C6orf89: variants seen among roughly 807,000 people sequenced by gnomAD.
C6orf89 encodes the protein bombesin receptor-activated protein C6orf89.
C6orf89 carries 29 observed loss-of-function variants against 40.7 expected under a neutral mutation model. The observed-to-expected ratio is 0.71, with a 90% CI of 0.53 to 0.97. The LOEUF is 0.97. Among genes scored for constraint, C6orf89 ranks in the 50% least tolerant of loss-of-function variants. The probability of loss-of-function intolerance (pLI) is 0.00; values close to 1 mark genes in which losing one functional copy is unlikely to be tolerated. For synonymous variants in C6orf89, 165 were observed against 152.2 expected, an observed-to-expected ratio of 1.08 and a Z score of -0.62; for missense variants, 392 against 429.1, an observed-to-expected ratio of 0.91 and a Z score of 0.76.
At chr6:36,875,088 G>A (rs1477968257) in intron 1 of C6orf89, 3 of 370,284 alleles carry the variant, frequency 8.1e-6, no homozygotes, top group Non-Finnish European at 1.5e-5. Context: ...CAGAAAAGCT[G>A]CGCTCTGGTT....
At chr6:36,901,318 ATTATTTTTTTTTT>A (rs1277671410) in intron 3 of C6orf89, among the ~76,000 whole-genome samples, 1 of 65,132 alleles carries the variant, frequency 1.5e-5, no homozygotes, top group Non-Finnish European at 3.0e-5. Flanking sequence ...TATTATTATT[ATTATTTTTTTTTT>A]TTTTTTTTTT....
At chr6:36,885,575 G>C (rs1486721210), upstream of C6orf89, among the ~76,000 whole-genome samples, 1 of 152,228 alleles carries the variant, frequency 6.6e-6, no homozygotes, top group Non-Finnish European at 1.5e-5. Context: ...GTAGCTTCCA[G>C]AAGGAAGGGG....
intron 1 of C6orf89, among the ~76,000 whole-genome samples, chr6:36,891,019 A>G (rs1761191229): frequency 6.6e-6 from 1 of 151,858 alleles, no homozygotes. Context: ...TTATACTTTA[A>G]GTTTTAGGGT....
chr6:36,921,305 C>T (rs752608105), intron 8 of C6orf89, among the ~76,000 whole-genome samples: 3 of 152,178 alleles, frequency 2.0e-5, no homozygotes, highest in Non-Finnish European at 2.9e-5. Flanking sequence ...CCACGGTTAA[C>T]AATGAGGACA....
At chr6:36,920,105 A>C (rs1008153926) in intron 8 of C6orf89, among the ~76,000 whole-genome samples, 12 of 152,206 alleles carry the variant, frequency 7.9e-5, no homozygotes, top group African/African-American at 2.9e-4. Context: ...TCAAGCCAGG[A>C]GAGGGACAAT....
At chr6:36,897,129 C>CAAAAAAAAAAAAA (rs34191608) in intron 2 of C6orf89, among the ~76,000 whole-genome samples, 57 of 85,266 alleles carry the variant, frequency 6.7e-4, no homozygotes, top group Non-Finnish European at 9.0e-4. Flanking sequence ...GACTCTGTCT[C>CAAAAAAAAAAAAA]AAAAAAAAAA....
rs143070495 is a variant in C6orf89 at position 36,875,220 on chromosome 6, G to A, written c.-628+3253G>A. Among the ~76,000 whole-genome samples, 530 of 152,286 alleles carry A rather than the reference G, an allele frequency of 3.5e-3. 2 individuals are homozygous for A. Among genetic ancestry groups the A allele is most frequent in the African/African-American group, 0.012 (493 of 41,550 alleles). On this transcript the variant is annotated intron_variant, in intron 1 of 9. Transcript: ENST00000359359. Reference sequence around the variant, plus strand: ...AGATGCCAGTAAAGAATTTTTGTAAGGCGCTGTACGATGTACACAGTGCTT... The same window carrying A: ...AGATGCCAGTAAAGAATTTTTGTAAAGCGCTGTACGATGTACACAGTGCTT...
At chr6:36,891,477 C>T (rs1688073237) in intron 1 of C6orf89, among the ~76,000 whole-genome samples, 1 of 152,306 alleles carries the variant, frequency 6.6e-6, no homozygotes, top group Non-Finnish European at 1.5e-5. Context: ...GTCTTTATAG[C>T]AGCATGATTT....
At chr6:36,917,018 C>T (rs1762346873) in intron 7 of C6orf89, among the ~76,000 whole-genome samples, 8 of 151,748 alleles carry the variant, frequency 5.3e-5, no homozygotes, top group Admixed American at 3.3e-4. Context: ...TTCAGACCAG[C>T]CTGGGCAATA....
Position 36,914,628 on chromosome 6 carries a change from T to C in C6orf89, c.630T>C (p.Ser210=), listed in dbSNP as rs778333289. The C allele has an allele frequency of 2.4e-5, 38 of 1,614,150 alleles. No individual in the cohort carries two copies. Among genetic ancestry groups the C allele is most frequent in the Non-Finnish European group, 3.1e-5 (36 of 1,180,058 alleles). The change falls in exon 6 of 9, where the codon TCT becomes TCC. Residue 210 remains serine (S), a synonymous_variant. Coordinates refer to ENST00000480824, the MANE Select transcript of C6orf89 (RefSeq NM_001286635.2). ...ACCCTGAGGCGACAGAAGGCTTCTC[T>C]GAAGGGTTTTTCGCCAAGTGGTGGC... ...CQYPEATEGF[S]EGFFAKWWRC...
intron 7 of C6orf89, 82 bp downstream of exon 7, chr6:36,916,656 C>G (rs1488436347): frequency 6.5e-7 from 1 of 1,549,582 alleles, no homozygotes; most frequent in Admixed American, 1.7e-5. Context: ...GCCTTCCCTG[C>G]ATATTGGCTT....
chr6:36,896,630 C>T (rs1180645179), intron 2 of C6orf89, among the ~76,000 whole-genome samples: 1 of 152,094 alleles, frequency 6.6e-6, no homozygotes, highest in South Asian at 2.1e-4. Context: ...TTCCCCTCCT[C>T]TTGTCTTCTA....
At chr6:36,876,944 A>G (rs1774673930) in intron 1 of C6orf89, among the ~76,000 whole-genome samples, 1 of 152,142 alleles carries the variant, frequency 6.6e-6, no homozygotes, top group African/African-American at 2.4e-5. Context: ...CCCCCTACTA[A>G]TCATTACCCA....
intron 8 of C6orf89, among the ~76,000 whole-genome samples, chr6:36,920,584 A>G (rs1762478024): frequency 6.6e-6 from 1 of 152,202 alleles, no homozygotes; most frequent in African/African-American, 2.4e-5. Flanking sequence ...TTGGACTGCA[A>G]GCTATGCCAA....
chr6:36,879,249 G>A (rs1484429790), intron 2 of C6orf89: 1 of 152,220 alleles, frequency 6.6e-6, no homozygotes, highest in Non-Finnish European at 1.5e-5. Flanking sequence ...TTGGATTAAA[G>A]ATAACGGGGC....
At position 36,917,909 on chromosome 6, in the gene C6orf89, C is replaced by G. The variant is rs142256627; in HGVS notation, c.825+1335C>G. Among the ~76,000 whole-genome samples, 7 of 152,324 alleles carry G rather than the reference C, an allele frequency of 4.6e-5. No homozygotes were observed. The East Asian group carries it at 1.2e-3, about 25-fold the overall frequency. Reference sequence around the variant, plus strand: ...CCAAAGGAGTAAATACAGAGTTACTCAAATGCTTACGAGAGTCATGCTGTG... The same window carrying G: ...CCAAAGGAGTAAATACAGAGTTACTGAAATGCTTACGAGAGTCATGCTGTG... On this transcript the variant is annotated intron_variant, in intron 7 of 8. Coordinates refer to ENST00000480824, the MANE Select transcript of C6orf89 (RefSeq NM_001286635.2).
At chr6:36,921,380 T>G (rs1218211259) in intron 8 of C6orf89, among the ~76,000 whole-genome samples, 6 of 152,202 alleles carry the variant, frequency 3.9e-5, no homozygotes, top group African/African-American at 1.4e-4. Context: ...TTCCTCTACC[T>G]TAGGGACCCT....
chr6:36,921,455 A>G (rs760594795), intron 8 of C6orf89, among the ~76,000 whole-genome samples: 2 of 151,946 alleles, frequency 1.3e-5, no homozygotes, highest in Non-Finnish European at 2.9e-5. Flanking sequence ...TCCTGTGGAG[A>G]TGGAGGGGAG....
intron 1 of C6orf89, among the ~76,000 whole-genome samples, chr6:36,874,370 G>A (rs936134735): frequency 2.0e-5 from 3 of 152,176 alleles, no homozygotes; most frequent in Non-Finnish European, 4.4e-5. Flanking sequence ...CTAAAGGCAG[G>A]GCTGTCTGTG....
Sources: allele counts gnomAD v4.1 joint callset (sites outside exome capture counted in the v4.1 genomes callset), GRCh38; gene constraint gnomAD v4.1.1; transcripts MANE v1.5; gene names NCBI Gene and HGNC (gene_info 2026-07-23, HGNC 2026-07-21).